Variants in GRM5 observed in about 807,000 individuals in gnomAD.
The protein encoded by GRM5 is glutamate metabotropic receptor 5, also known as metabotropic glutamate receptor 5.
A neutral mutation model predicts 83.1 loss-of-function variants in GRM5; 19 were observed. The observed-to-expected ratio is 0.23, with a 90% CI of 0.16 to 0.34. GRM5 has a LOEUF of 0.34. Among genes scored for constraint, GRM5 ranks in the 10% least tolerant of loss-of-function variants. The pLI is 1.00. For missense variants in GRM5, 1,160 were observed against 1,588.3 expected (o/e 0.73, Z 4.58); for synonymous variants, 675 against 633.6 (o/e 1.07, Z -0.98).
intron 2 of GRM5, among the ~76,000 whole-genome samples, chr11:88,959,579 C>A (rs1191179316): frequency 6.6e-6 from 1 of 152,122 alleles, no homozygotes; most frequent in Non-Finnish European, 1.5e-5. Context: ...TACTAATCAT[C>A]TGACAGTTAT....
chr11:89,018,218 G>A (rs2135103078), intron 2 of GRM5, among the ~76,000 whole-genome samples: 1 of 152,240 alleles, frequency 6.6e-6, no homozygotes, highest in East Asian at 1.9e-4. Flanking sequence ...GGCACATGTA[G>A]TGTCTATAGG....
intron 3 of GRM5, among the ~76,000 whole-genome samples, chr11:88,667,784 T>G (rs1304966005): frequency 1.3e-5 from 2 of 151,928 alleles, no homozygotes; most frequent in South Asian, 2.1e-4. Context: ...TCCCAGCTAC[T>G]TGGGAGGCTA....
chr11:88,619,548 A>G (rs1466906143), intron 4 of GRM5, among the ~76,000 whole-genome samples: 1 of 152,208 alleles, frequency 6.6e-6, no homozygotes, highest in Non-Finnish European at 1.5e-5. Flanking sequence ...CCCTAAAGTC[A>G]TACCTCTAGT....
At chr11:88,962,153 C>G (rs1938804384) in intron 2 of GRM5, among the ~76,000 whole-genome samples, 1 of 152,130 alleles carries the variant, frequency 6.6e-6, no homozygotes, top group Non-Finnish European at 1.5e-5. Flanking sequence ...CAAATCAGTG[C>G]AGAATGGCAG....
chr11:88,918,894 C>G (rs1945639965), intron 2 of GRM5, among the ~76,000 whole-genome samples: 1 of 150,992 alleles, frequency 6.6e-6, no homozygotes, highest in African/African-American at 2.4e-5. Flanking sequence ...AATATAAAAA[C>G]ACACACACAC....
chr11:88,713,817 GA>G (rs1032480150), intron 3 of GRM5, among the ~76,000 whole-genome samples: 8 of 151,868 alleles, frequency 5.3e-5, no homozygotes, highest in African/African-American at 1.7e-4. Context: ...TGCTACAAAA[GA>G]AAAAAATATT....
At chr11:88,772,641 G>A (rs555552437) in intron 3 of GRM5, among the ~76,000 whole-genome samples, 10 of 151,692 alleles carry the variant, frequency 6.6e-5, no homozygotes, top group East Asian at 3.9e-4. Context: ...GATGTTCCCC[G>A]CGCTGTGTCC....
At chr11:88,916,655 G>A (rs561507967) in intron 2 of GRM5, among the ~76,000 whole-genome samples, 11 of 151,962 alleles carry the variant, frequency 7.2e-5, no homozygotes, top group African/African-American at 1.9e-4. Context: ...GACTTGGGGT[G>A]CATGTAACTC....
intron 2 of GRM5, among the ~76,000 whole-genome samples, chr11:88,918,751 G>A (rs1317230380): frequency 2.5e-5 from 1 of 40,154 alleles, no homozygotes; most frequent in Non-Finnish European, 1.3e-4. Context: ...AGAGCAAGAA[G>A]TATGAAGTTA....
chr11:89,042,416 G>T (rs1488387300), intron 2 of GRM5, among the ~76,000 whole-genome samples: 1 of 152,148 alleles, frequency 6.6e-6, no homozygotes, highest in Non-Finnish European at 1.5e-5. Flanking sequence ...TATCTGACAA[G>T]CAAGGTAGAG....
chr11:88,675,409 C>A (rs1339151621), intron 3 of GRM5, among the ~76,000 whole-genome samples: 2 of 151,782 alleles, frequency 1.3e-5, no homozygotes, highest in Non-Finnish European at 2.9e-5. Flanking sequence ...GATATGTCGG[C>A]AATTTAAATG....
intron 2 of GRM5, among the ~76,000 whole-genome samples, chr11:89,032,244 T>C (rs1941279449): frequency 6.6e-6 from 1 of 152,106 alleles, no homozygotes; most frequent in South Asian, 2.1e-4. Context: ...GTTAAATAAG[T>C]TGTTCAAATT....
At chr11:88,787,159 G>GTA (rs1157948596) in intron 3 of GRM5, among the ~76,000 whole-genome samples, 4 of 150,810 alleles carry the variant, frequency 2.7e-5, no homozygotes, top group Non-Finnish European at 5.9e-5. Context: ...GTGTGTGTGT[G>GTA]TGTGTGTGTG....
chr11:88,890,436 G>A (rs1243766781), intron 2 of GRM5, among the ~76,000 whole-genome samples: 1 of 152,206 alleles, frequency 6.6e-6, no homozygotes, highest in Admixed American at 6.6e-5. Context: ...TCTTACAAGT[G>A]CTGAATATTC....
At chr11:89,056,058 T>C (rs944745264) in intron 1 of GRM5, among the ~76,000 whole-genome samples, 6 of 152,202 alleles carry the variant, frequency 3.9e-5, no homozygotes, top group African/African-American at 1.2e-4. Flanking sequence ...TGTACCAATA[T>C]TTAATTATTC....
chr11:88,519,125 A>T (rs1427774645), intron 9 of GRM5, among the ~76,000 whole-genome samples: 1 of 151,296 alleles, frequency 6.6e-6, no homozygotes, highest in Non-Finnish European at 1.5e-5. Flanking sequence ...GGAGGAATGG[A>T]CATTAGAGTT....
intron 2 of GRM5, among the ~76,000 whole-genome samples, chr11:89,010,943 G>T (rs1348914274): frequency 6.6e-6 from 1 of 152,142 alleles, no homozygotes; most frequent in Non-Finnish European, 1.5e-5. Context: ...TGGACTCTAG[G>T]TAACTTACTC....
At chr11:88,906,903 T>C (rs1945413298) in intron 2 of GRM5, among the ~76,000 whole-genome samples, 1 of 152,224 alleles carries the variant, frequency 6.6e-6, no homozygotes, top group Non-Finnish European at 1.5e-5. Flanking sequence ...ATTACCATTA[T>C]CAATTTTTTA....
chr11:88,815,261 A>G (rs1014936767), intron 3 of GRM5, among the ~76,000 whole-genome samples: 1 of 152,368 alleles, frequency 6.6e-6, no homozygotes, highest in East Asian at 1.9e-4. Flanking sequence ...ATTATATATC[A>G]GTACCAGAAG....
Sources: allele counts gnomAD v4.1 joint callset (sites outside exome capture counted in the v4.1 genomes callset), GRCh38; gene constraint gnomAD v4.1.1; transcripts MANE v1.5; gene names NCBI Gene and HGNC (gene_info 2026-07-23, HGNC 2026-07-21).